ZMYM2: variants seen among roughly 807,000 people sequenced by gnomAD.
ZMYM2 encodes zinc finger MYM-type protein 2.
ZMYM2 carries 56 observed loss-of-function variants against 162.8 expected under a neutral mutation model. The observed-to-expected ratio is 0.34, with a 90% CI of 0.28 to 0.43. The LOEUF (loss-of-function observed/expected upper bound fraction) is 0.43, where lower values mean the gene tolerates loss of function less well. ZMYM2 is among the 20% of genes least tolerant of loss of function. ZMYM2 has a pLI of 1.00. For synonymous variants in ZMYM2, 510 were observed against 541.6 expected, an observed-to-expected ratio of 0.94 and a Z score of 0.81; for missense variants, 1,275 against 1,621.8, an observed-to-expected ratio of 0.79 and a Z score of 3.67.
the ZMYM2 span, among the ~76,000 whole-genome samples, chr13:19,880,885 T>C: frequency 2.0e-5 from 3 of 148,712 alleles, no homozygotes; most frequent in Admixed American, 6.8e-5. Flanking sequence ...TTTTTGTTTT[T>C]GTTTTGTTTT....
Position 20,081,963 on chromosome 13 carries a change from A to T in ZMYM2, c.3454-53A>T. On this transcript the variant is annotated intron_variant, in intron 21 of 24. Transcript: ENST00000610343. Reference sequence around the variant, plus strand: ...ATACGGAGTGTAATATGTTTACTATAATTAGCTGATTTTCTTTCAAGAAAG... The same window carrying T: ...ATACGGAGTGTAATATGTTTACTATTATTAGCTGATTTTCTTTCAAGAAAG... The T allele has an allele frequency of 3.5e-6, 4 of 1,153,898 alleles. No homozygotes were observed. The East Asian group carries it at 1.0e-4, about 30-fold the overall frequency. The allele number at this position is 1,153,898 out of a possible 1,614,324, so 71.5% of individuals were successfully genotyped here.
chr13:20,044,308 C>G (rs1954559015), intron 12 of ZMYM2, among the ~76,000 whole-genome samples: 1 of 152,218 alleles, frequency 6.6e-6, no homozygotes, highest in African/African-American at 2.4e-5. Flanking sequence ...ATTCCAGAGG[C>G]CTGTGCCCAG....
At chr13:19,974,448 T>G (rs1474542312) in intron 2 of ZMYM2, among the ~76,000 whole-genome samples, 3 of 152,136 alleles carry the variant, frequency 2.0e-5, no homozygotes, top group Non-Finnish European at 4.4e-5. Flanking sequence ...ATTGTTTAAA[T>G]CTTTTGATTT....
At chr13:19,867,871 C>G in the ZMYM2 span, among the ~76,000 whole-genome samples, 1 of 152,200 alleles carries the variant, frequency 6.6e-6, no homozygotes, top group Admixed American at 6.5e-5. Context: ...AGTGATCTGC[C>G]CACCTCAGCC....
At chr13:19,921,915 T>TC in the ZMYM2 span, among the ~76,000 whole-genome samples, 2 of 151,142 alleles carry the variant, frequency 1.3e-5, no homozygotes, top group Non-Finnish European at 3.0e-5. Context: ...TACAAGTATT[T>TC]TTTTTTTCCT....
the ZMYM2 span, among the ~76,000 whole-genome samples, chr13:19,907,943 T>C: frequency 6.6e-6 from 1 of 152,130 alleles, no homozygotes; most frequent in African/African-American, 2.4e-5. Flanking sequence ...CTCTCTTTCT[T>C]CACACTTGAT....
At chr13:19,919,723 G>A in the ZMYM2 span, among the ~76,000 whole-genome samples, 10 of 150,138 alleles carry the variant, frequency 6.7e-5, no homozygotes, top group East Asian at 2.0e-3. Context: ...TGTTGCCCAG[G>A]CTGAAGTGCA....
the ZMYM2 span, among the ~76,000 whole-genome samples, chr13:19,872,603 AT>A: frequency 6.6e-6 from 1 of 152,134 alleles, no homozygotes; most frequent in Non-Finnish European, 1.5e-5. Flanking sequence ...CAAAGGAGAA[AT>A]TTCAAACTTA....
In ZMYM2 at chr13:20,011,573, G is replaced by GTTT. The variant is rs764404253; in HGVS notation, c.1512+4989_1512+4991dup. Among the ~76,000 whole-genome samples the GTTT allele has an allele frequency of 7.7e-3, 1,106 of 144,064 alleles. 42 individuals are homozygous for GTTT. Among genetic ancestry groups the GTTT allele is most frequent in the South Asian group, 0.04 (178 of 4,440 alleles). The allele number at this position is 144,064 out of a possible 152,430, so 94.5% of individuals were successfully genotyped here. ...GATGTGCAGAAGTTTTTATTTTTTTGTTTTATTTTTTTTTTTTTTGAGGGG... is the reference window on the plus strand; with the variant it reads ...GATGTGCAGAAGTTTTTATTTTTTTGTTTTTTTATTTTTTTTTTTTTTGAGGGG... On this transcript the variant is annotated intron_variant, in intron 6 of 24. Transcript: ENST00000610343.
At chr13:19,994,033 G>T in intron 3 of ZMYM2, 114 bp downstream of exon 3, 2 of 1,170,248 alleles carry the variant, frequency 1.7e-6, no homozygotes, top group Non-Finnish European at 2.4e-6. Context: ...TGAAATATGT[G>T]AATTATATTG....
At chr13:19,866,852 C>T in the ZMYM2 span, among the ~76,000 whole-genome samples, 13 of 151,928 alleles carry the variant, frequency 8.6e-5, no homozygotes, top group African/African-American at 2.9e-4. Flanking sequence ...CATGATTGTG[C>T]CACTGCACTC....
At chr13:19,915,127 A>G in the ZMYM2 span, among the ~76,000 whole-genome samples, 6 of 152,072 alleles carry the variant, frequency 3.9e-5, no homozygotes, top group South Asian at 2.1e-4. Flanking sequence ...ATACCTGGCT[A>G]ATTTTGTATT....
Position 20,005,182 on chromosome 13 carries a change from T to A in ZMYM2, c.1242T>A (p.Asn414Lys). Residue 414 changes from asparagine (N) to lysine (K), a missense_variant, in exon 5 of 25, where the codon AAT becomes AAA. Physicochemically the swap from Asn to Lys is moderately conservative, Grantham distance 94. Transcript: ENST00000610343. The stretch of plus-strand genomic sequence containing the variant: ...TATCTCTCTATGAAGACAAACAGAA[T>A]CCTACTAAAGGAGCTCTAAATAAAT... ...SCLSLYEDKQ[N>K]PTKGALNKSR... is the part of the protein sequence containing the mutation. The A allele has an allele frequency of 6.3e-7, 1 of 1,593,638 alleles. No individual in the cohort carries two copies. Among genetic ancestry groups the A allele is most frequent in the Admixed American group, 1.8e-5 (1 of 54,526 alleles).
chr13:20,029,105 T>TTAG (rs1396509969), intron 9 of ZMYM2, among the ~76,000 whole-genome samples: 1 of 152,240 alleles, frequency 6.6e-6, no homozygotes, highest in African/African-American at 2.4e-5. Context: ...ACAGAATACC[T>TTAG]TAGACTGGTA....
At chr13:20,009,584 C>G (rs1951012968) in intron 6 of ZMYM2, among the ~76,000 whole-genome samples, 1 of 152,114 alleles carries the variant, frequency 6.6e-6, no homozygotes, top group African/African-American at 2.4e-5. Flanking sequence ...TATCCCAGTC[C>G]TTGGTAACTT....
At position 20,082,058 on chromosome 13, in the gene ZMYM2, C is replaced by G; in HGVS notation, c.3496C>G (p.Pro1166Ala). 6.2e-7 allele frequency: 1 copy of G among 1,603,368 alleles called. No homozygotes were observed. Among genetic ancestry groups the G allele is most frequent in the Non-Finnish European group, 8.5e-7 (1 of 1,176,488 alleles). The change falls in exon 22 of 25, where the codon CCT becomes GCT. Residue 1166 changes from proline (P) to alanine (A), a missense_variant. Physicochemically the swap from Pro to Ala is conservative, Grantham distance 27. Transcript: ENST00000610343. ...TCGAAAAGACAACATATTTATTGAT[C>G]CTGGATACCAAACATTTGAGCAAGA... ...SNRKDNIFID[P>A]GYQTFEQELN...
At chr13:19,950,453 T>C in the ZMYM2 span, among the ~76,000 whole-genome samples, 1 of 152,258 alleles carries the variant, frequency 6.6e-6, no homozygotes, top group East Asian at 1.9e-4. Flanking sequence ...GTAAACAGAA[T>C]GTAACCTATT....
At chr13:19,990,871 AG>A (rs1433794596) in intron 2 of ZMYM2, among the ~76,000 whole-genome samples, 1 of 152,116 alleles carries the variant, frequency 6.6e-6, no homozygotes, top group East Asian at 1.9e-4. Context: ...TTTAATCTAT[AG>A]TCTATACTTG....
chr13:19,918,665 A>AT, the ZMYM2 span, among the ~76,000 whole-genome samples: 3 of 151,004 alleles, frequency 2.0e-5, no homozygotes, highest in African/African-American at 4.9e-5. Context: ...CGCCCAGCTA[A>AT]TTTTTTGTAT....
Sources: gnomAD v4.1 joint callset for allele counts (sites outside exome capture counted in the v4.1 genomes callset) on GRCh38, gnomAD v4.1.1 for gene constraint, MANE v1.5 for transcripts, NCBI Gene and HGNC (gene_info 2026-07-23, HGNC 2026-07-21) for gene names.